ESR1: variants seen among roughly 807,000 people sequenced by gnomAD.
The protein encoded by ESR1 is estrogen receptor 1.
ESR1 carries 12 observed loss-of-function variants against 52.7 expected under a neutral mutation model. The observed-to-expected ratio is 0.23, with a 90% CI of 0.15 to 0.37. The LOEUF (loss-of-function observed/expected upper bound fraction) is 0.37. ESR1 is among the 10% of genes least tolerant of loss of function. The pLI is 1.00. For missense variants in ESR1, 584 were observed against 779.7 expected (o/e 0.75, Z 2.99); for synonymous variants, 305 against 316.8 (o/e 0.96, Z 0.39).
intron 6 of ESR1, among the ~76,000 whole-genome samples, chr6:152,079,950 G>A (rs559017716): frequency 6.6e-6 from 1 of 152,182 alleles, no homozygotes; most frequent in Admixed American, 6.5e-5. Context: ...GAAAAGAAGA[G>A]TGAAAAGAAA....
chr6:151,808,160 G>A lies in ESR1; in HGVS notation c.248G>A (p.Gly83Glu), dbSNP rs1256665087. The change falls in exon 1 of 8, where the codon GGG (glycine) becomes GAG (glutamate). Residue 83 changes from glycine (G) to glutamate (E), a missense_variant. By Grantham distance (98) the Gly-to-Glu change is moderately conservative. Transcript: ENST00000206249. ...YGQTGLPYGP[G>E]SEAAAFGSNG... is the part of the protein sequence containing the mutation. ...CAGACCGGCCTCCCCTACGGCCCCGGGTCTGAGGCTGCGGCGTTCGGCTCC... is the reference window on the plus strand; with the variant it reads ...CAGACCGGCCTCCCCTACGGCCCCGAGTCTGAGGCTGCGGCGTTCGGCTCC... 1 of 1,594,618 alleles carries A rather than the reference G, an allele frequency of 6.3e-7. No homozygotes were observed.
intron 3 of ESR1, among the ~76,000 whole-genome samples, chr6:151,927,685 C>G (rs75771929): frequency 0.02 from 2,999 of 151,854 alleles, 59 homozygotes; most frequent in East Asian, 0.094. Context: ...GTGGTGACTT[C>G]TCTTTCATTT....
At chr6:151,925,385 T>C (rs1382121457) in intron 3 of ESR1, among the ~76,000 whole-genome samples, 1 of 152,204 alleles carries the variant, frequency 6.6e-6, no homozygotes, top group Admixed American at 6.5e-5. Context: ...GGCAGGCAGA[T>C]CACCTGAGGT....
At chr6:151,892,352 A>G (rs1370113376) in intron 3 of ESR1, among the ~76,000 whole-genome samples, 1 of 152,182 alleles carries the variant, frequency 6.6e-6, no homozygotes, top group African/African-American at 2.4e-5. Flanking sequence ...TTTCAAGCTC[A>G]ATTTAGAACA....
At chr6:151,677,536 A>G (rs1476792307) in intron 1 of ESR1, among the ~76,000 whole-genome samples, 1 of 152,098 alleles carries the variant, frequency 6.6e-6, no homozygotes, top group Non-Finnish European at 1.5e-5. Context: ...AGTAGTATTC[A>G]CTCAGTTTGC....
intron 2 of ESR1, among the ~76,000 whole-genome samples, chr6:151,744,162 A>G (rs900061304): frequency 3.3e-5 from 5 of 152,108 alleles, no homozygotes; most frequent in African/African-American, 1.2e-4. Flanking sequence ...GCTTGTACAC[A>G]ACTGGATTTC....
intron 4 of ESR1, among the ~76,000 whole-genome samples, chr6:151,988,670 C>A (rs541794811): frequency 2.4e-4 from 36 of 152,064 alleles, no homozygotes; most frequent in African/African-American, 8.7e-4. Flanking sequence ...ATACAACAAA[C>A]CCCCATGACA....
intron 1 of ESR1, among the ~76,000 whole-genome samples, chr6:151,809,462 C>A (rs937311984): frequency 4.6e-5 from 7 of 152,190 alleles, no homozygotes; most frequent in Non-Finnish European, 1.0e-4. Context: ...AGGTGTACCC[C>A]GGACTGGGTT....
chr6:151,968,475 G>A (rs767151520), intron 4 of ESR1, among the ~76,000 whole-genome samples: 41 of 152,270 alleles, frequency 2.7e-4, no homozygotes, highest in Non-Finnish European at 4.7e-4. Context: ...CATCATCAGG[G>A]TGAACAGGCA....
At chr6:151,747,839 A>G (rs920261689) in intron 2 of ESR1, among the ~76,000 whole-genome samples, 1 of 152,194 alleles carries the variant, frequency 6.6e-6, no homozygotes, top group Non-Finnish European at 1.5e-5. Context: ...GCCAAATAAG[A>G]CTTCATTGTA....
chr6:151,824,383 G>A (rs540897801), intron 1 of ESR1, among the ~76,000 whole-genome samples: 14 of 152,278 alleles, frequency 9.2e-5, no homozygotes. Flanking sequence ...CCCTTTATCA[G>A]ATGAGTAGAT....
At chr6:151,810,567 T>A (rs1301411373) in intron 1 of ESR1, among the ~76,000 whole-genome samples, 1 of 152,196 alleles carries the variant, frequency 6.6e-6, no homozygotes, top group Non-Finnish European at 1.5e-5. Context: ...CTCAAAAGTT[T>A]TGGGGCTGAA....
chr6:151,830,315 T>C (rs1222158597), intron 1 of ESR1, among the ~76,000 whole-genome samples: 3 of 152,114 alleles, frequency 2.0e-5, no homozygotes, highest in Non-Finnish European at 4.4e-5. Context: ...GTATCTGTCC[T>C]TTTTCTCGGT....
At chr6:151,771,110 A>T (rs904371723) in intron 2 of ESR1, among the ~76,000 whole-genome samples, 2 of 152,194 alleles carry the variant, frequency 1.3e-5, no homozygotes, top group Non-Finnish European at 2.9e-5. Flanking sequence ...TAAAATTTTC[A>T]GTTAATGTGC....
chr6:151,836,915 T>C (rs1783425953), intron 1 of ESR1, among the ~76,000 whole-genome samples: 1 of 152,178 alleles, frequency 6.6e-6, no homozygotes, highest in Non-Finnish European at 1.5e-5. Flanking sequence ...TAAAACTGCT[T>C]GGCTAATCAG....
chr6:151,692,276 G>A (rs527706316), intron 1 of ESR1, among the ~76,000 whole-genome samples: 2 of 152,316 alleles, frequency 1.3e-5, no homozygotes, highest in Admixed American at 6.5e-5. Flanking sequence ...TCCACACAGT[G>A]TAAGTATTTA....
At chr6:151,664,362 T>G (rs1039970796) in intron 1 of ESR1, among the ~76,000 whole-genome samples, 48 of 152,330 alleles carry the variant, frequency 3.2e-4, no homozygotes, top group African/African-American at 9.9e-4. Flanking sequence ...CTGATATGAT[T>G]TCTAGTTTAT....
chr6:151,666,814 C>T (rs1777843795), intron 1 of ESR1, among the ~76,000 whole-genome samples: 1 of 147,960 alleles, frequency 6.8e-6, no homozygotes, highest in South Asian at 2.1e-4. Context: ...TGTTGGAGGA[C>T]GAAGGTTCTG....
At chr6:151,847,133 G>C (rs1785277056) in intron 2 of ESR1, among the ~76,000 whole-genome samples, 1 of 152,138 alleles carries the variant, frequency 6.6e-6, no homozygotes, top group South Asian at 2.1e-4. Flanking sequence ...TCTTTGGCCA[G>C]GAAGACATGG....
Sources: allele counts gnomAD v4.1 joint callset (sites outside exome capture counted in the v4.1 genomes callset), GRCh38; gene constraint gnomAD v4.1.1; transcripts MANE v1.5; gene names NCBI Gene and HGNC (gene_info 2026-07-23, HGNC 2026-07-21).